Variants in MPPED2 observed in about 807,000 individuals in gnomAD.
The protein encoded by MPPED2 is metallophosphoesterase domain containing 2.
Under a neutral mutation model 33.0 loss-of-function variants are expected in MPPED2, and 5 were observed. That is an observed-to-expected ratio of 0.15 (90% CI 0.08 to 0.32). The LOEUF (loss-of-function observed/expected upper bound fraction) is 0.32. Among genes scored for constraint, MPPED2 ranks in the 10% least tolerant of loss-of-function variants. The pLI is 1.00. For synonymous variants in MPPED2, 136 were observed against 141.9 expected, an observed-to-expected ratio of 0.96 and a Z score of 0.29; for missense variants, 275 against 372.1, an observed-to-expected ratio of 0.74 and a Z score of 2.15.
intron 6 of MPPED2, among the ~76,000 whole-genome samples, 181 bp downstream of exon 6, chr11:30,414,047 G>C (rs906232579): frequency 1.3e-5 from 2 of 152,160 alleles, no homozygotes; most frequent in Non-Finnish European, 2.9e-5. Context: ...GTTTACAAGA[G>C]AGAAGGTCCA....
intron 4 of MPPED2, among the ~76,000 whole-genome samples, chr11:30,442,910 C>G (rs1949645213): frequency 6.6e-6 from 1 of 152,080 alleles, no homozygotes; most frequent in South Asian, 2.1e-4. Context: ...GCTACTCCTG[C>G]TTGGGCCAGG....
At chr11:30,527,912 T>C (rs1341663496) in intron 3 of MPPED2, among the ~76,000 whole-genome samples, 2 of 152,220 alleles carry the variant, frequency 1.3e-5, no homozygotes, top group Admixed American at 1.3e-4. Context: ...GCAAATAACA[T>C]TTCCTGACCA....
chr11:30,512,231 G>A (rs1953249249), intron 3 of MPPED2, among the ~76,000 whole-genome samples: 1 of 152,148 alleles, frequency 6.6e-6, no homozygotes, highest in East Asian at 1.9e-4. Flanking sequence ...CCCCTTCCAG[G>A]GTCATTCTAC....
intron 3 of MPPED2, among the ~76,000 whole-genome samples, chr11:30,517,204 T>C (rs1953582870): frequency 6.6e-6 from 1 of 152,136 alleles, no homozygotes; most frequent in Non-Finnish European, 1.5e-5. Flanking sequence ...ACTCCCCATA[T>C]ATCTCCCCAG....
chr11:30,447,079 G>GTA (rs537743870), intron 4 of MPPED2, among the ~76,000 whole-genome samples: 12 of 152,192 alleles, frequency 7.9e-5, no homozygotes, highest in Non-Finnish European at 1.6e-4. Flanking sequence ...TGCACTCTAT[G>GTA]AACTGGGCTG....
At chr11:30,531,777 G>A (rs1193842289) in intron 3 of MPPED2, among the ~76,000 whole-genome samples, 1 of 152,222 alleles carries the variant, frequency 6.6e-6, no homozygotes, top group African/African-American at 2.4e-5. Context: ...CCATCGGCCA[G>A]CTTACGTAGA....
intron 3 of MPPED2, among the ~76,000 whole-genome samples, chr11:30,529,834 A>T (rs1366785394): frequency 6.6e-6 from 1 of 152,122 alleles, no homozygotes; most frequent in African/African-American, 2.4e-5. Flanking sequence ...TTACAGTCAC[A>T]CTCTGTTACA....
chr11:30,428,132 T>A (rs1352214198), intron 4 of MPPED2, among the ~76,000 whole-genome samples: 1 of 152,184 alleles, frequency 6.6e-6, no homozygotes, highest in Admixed American at 6.5e-5. Flanking sequence ...TAAAAAAGCA[T>A]CTTCAGCAAA....
At chr11:30,544,826 G>A (rs747058175) in intron 2 of MPPED2, among the ~76,000 whole-genome samples, 13 of 152,250 alleles carry the variant, frequency 8.5e-5, no homozygotes, top group Non-Finnish European at 1.9e-4. Context: ...GTAGTATGTC[G>A]ATTTCAAATG....
chr11:30,456,591 T>C (rs1339717290), intron 4 of MPPED2, among the ~76,000 whole-genome samples: 1 of 152,102 alleles, frequency 6.6e-6, no homozygotes, highest in African/African-American at 2.4e-5. Flanking sequence ...ACAGGACTGT[T>C]GTAGAGGAAT....
intron 6 of MPPED2, among the ~76,000 whole-genome samples, chr11:30,404,319 G>A (rs1028759850): frequency 1.1e-4 from 16 of 152,224 alleles, no homozygotes; most frequent in African/African-American, 2.7e-4. Context: ...GGGAGAAAAC[G>A]AGTCAACAAC....
At chr11:30,412,882 T>A (rs962532233) in intron 6 of MPPED2, among the ~76,000 whole-genome samples, 1 of 152,244 alleles carries the variant, frequency 6.6e-6, no homozygotes, top group African/African-American at 2.4e-5. Context: ...ATAGGCATGC[T>A]GCACGAATTC....
At chr11:30,425,942 T>C (rs1293320442) in intron 4 of MPPED2, among the ~76,000 whole-genome samples, 1 of 152,212 alleles carries the variant, frequency 6.6e-6, no homozygotes, top group Middle Eastern at 3.2e-3. Flanking sequence ...CTTTTCCTTT[T>C]TTCATGGCAG....
chr11:30,539,652 G>A (rs886200823), intron 2 of MPPED2, among the ~76,000 whole-genome samples: 1 of 152,008 alleles, frequency 6.6e-6, no homozygotes, highest in Non-Finnish European at 1.5e-5. Flanking sequence ...ACAGGATCTC[G>A]CTCTATCACC....
At chr11:30,403,495 C>G (rs907797464) in intron 6 of MPPED2, among the ~76,000 whole-genome samples, 1 of 152,160 alleles carries the variant, frequency 6.6e-6, no homozygotes, top group African/African-American at 2.4e-5. Context: ...TTAGGTGAAA[C>G]CTTCCAAGTT....
chr11:30,413,721 T>A (rs891220125), intron 6 of MPPED2, among the ~76,000 whole-genome samples: 2 of 152,246 alleles, frequency 1.3e-5, no homozygotes, highest in Admixed American at 6.5e-5. Flanking sequence ...CCGCCACTTC[T>A]GTTACATATC....
chr11:30,513,505 A>C (rs1332297629), intron 3 of MPPED2, among the ~76,000 whole-genome samples: 1 of 152,206 alleles, frequency 6.6e-6, no homozygotes, highest in Non-Finnish European at 1.5e-5. Context: ...GTATCTTCAG[A>C]ATCTCAATAT....
chr11:30,584,693 C>A (rs1238451853), intron 1 of MPPED2: 1 of 152,474 alleles, frequency 6.6e-6, no homozygotes, highest in African/African-American at 2.4e-5. Context: ...GCCTCCCGGG[C>A]GCGTTGGCAT....
chr11:30,536,066 T>G lies in MPPED2; in HGVS notation c.238A>C (p.Ile80Leu). 1 of 1,613,674 alleles carries G rather than the reference T, an allele frequency of 6.2e-7. No individual in the cohort carries two copies. Among genetic ancestry groups the G allele is most frequent in the Non-Finnish European group, 8.5e-7 (1 of 1,179,806 alleles). The change falls in exon 3 of 7, where the codon ATC becomes CTC. Residue 80 changes from isoleucine to leucine, a missense_variant. Ile to Leu is a conservative substitution (Grantham distance 5). Transcript: ENST00000358117. ...GTGAAATCGCCTGTGTGGAGAAGGA[T>G]GTCCCCATAAGGCATCTGGATACCA... Reference protein sequence around the residue: ...TDGIQMPYGDILLHTGDFTEL... With the variant: ...TDGIQMPYGDLLLHTGDFTEL...
Sources: allele counts gnomAD v4.1 joint callset (sites outside exome capture counted in the v4.1 genomes callset), GRCh38; gene constraint gnomAD v4.1.1; transcripts MANE v1.5; gene names NCBI Gene and HGNC (gene_info 2026-07-23, HGNC 2026-07-21).